LCN6: variants seen among roughly 807,000 people sequenced by gnomAD.
LCN6 encodes epididymal-specific lipocalin-6.
A neutral mutation model predicts 21.4 loss-of-function variants in LCN6; 20 were observed. That is an observed-to-expected ratio of 0.93 (90% confidence interval 0.66 to 1.36). LCN6 has a LOEUF of 1.36. Ranked by LOEUF, LCN6 falls within the 40% of genes most tolerant of loss-of-function variation. LCN6 has a pLI of 0.00. For synonymous variants in LCN6, 96 were observed against 89.0 expected (o/e 1.08, Z -0.44); for missense variants, 217 against 206.6 (o/e 1.05, Z -0.31).
chr9:136,745,517 C>T (rs898789755), intron 3 of LCN6: 3 of 593,946 alleles, frequency 5.1e-6, no homozygotes, highest in Admixed American at 5.9e-5. Flanking sequence ...AGCACTGCCC[C>T]AGCCTGTCCC....
Position 136,748,497 on chromosome 9 carries a change from C to T in LCN6, c.-14G>A, listed in dbSNP as rs1488183331. On this transcript the variant is annotated 5_prime_UTR_variant, in exon 1 of 7. Coordinates refer to ENST00000341206, the MANE Select transcript of LCN6 (RefSeq NM_198946.3). ...CAGGCCGCCCATCCTCCCAGGTCTA[C>T]ACTGCGCCGCAGGCCCAGGATGTGC... 6 of 1,611,156 alleles carry T rather than the reference C, an allele frequency of 3.7e-6. No homozygotes were observed. The highest frequency in any genetic ancestry group is 1.1e-5 in the South Asian group (1 of 90,678).
In LCN6 at chr9:136,747,468, G is replaced by A; in HGVS notation, c.186C>T (p.Thr62=). 2 of 1,613,638 alleles carry A rather than the reference G, an allele frequency of 1.2e-6. No homozygotes were observed. Among genetic ancestry groups the A allele is most frequent in the Non-Finnish European group, 8.5e-7 (1 of 1,179,868 alleles). The change falls in exon 2 of 7, where the codon ACC becomes ACT. Residue 62 remains threonine (T), a synonymous_variant. Transcript: ENST00000341206. ...TCCGCAGGTTGTTTTCTGGAGTGAG[G>A]GTCACCACCACCCCCACGACGTTCT... The part of the protein sequence containing the change: ...DMKNVVGVVV[T]LTPENNLRTL...
rs770143346 is a variant in LCN6, at chr9:136,745,873, C to T, written c.272G>A (p.Arg91Gln). 11 of 1,613,786 alleles carry T rather than the reference C, an allele frequency of 6.8e-6. No homozygotes were observed. Among genetic ancestry groups the T allele is most frequent in the Admixed American group, 6.7e-5 (4 of 60,006 alleles). ...CDQSVMDLIK[R>Q]NSGWVFENPS... ...ATTCTCAAACACCCATCCGGAGTTT[C>T]GCTTTATCAGGTCCATGACACTCTG... Residue 91 changes from arginine to glutamine, a missense_variant, in exon 3 of 7, where the codon CGA becomes CAA. Physicochemically the swap from Arg to Gln is conservative, Grantham distance 43. Transcript: ENST00000341206.
intron 2 of LCN6, 81 bp from the exon 3 acceptor site, chr9:136,745,995 G>T: frequency 1.7e-6 from 2 of 1,199,186 alleles, no homozygotes; most frequent in Non-Finnish European, 2.5e-6. Flanking sequence ...AGGAGTCCAG[G>T]CCAGGCCAGC....
At chr9:136,746,672 G>A (rs756524056) in intron 2 of LCN6, among the ~76,000 whole-genome samples, 2 of 152,158 alleles carry the variant, frequency 1.3e-5, no homozygotes, top group Non-Finnish European at 2.9e-5. Context: ...AGGTGCAGGG[G>A]GAAGGCACGC....
chr9:136,744,827 G>T lies in LCN6; in HGVS notation c.413-86C>A. 1 of 982,554 alleles carries T rather than the reference G, an allele frequency of 1.0e-6. No homozygotes were observed. The highest frequency in any genetic ancestry group is 1.6e-6 in the Non-Finnish European group (1 of 637,590). The allele number at this position is 982,554 out of a possible 1,614,324, so 60.9% of individuals were successfully genotyped here. On this transcript the variant is annotated intron_variant, in intron 4 of 6. Transcript: ENST00000341206. The surrounding 1 kb of genome is among the most constrained non-coding windows in gnomAD (Gnocchi z 4.2). ...AGGGGCTGGGAAGGGTCAGGAAGGA[G>T]GCCACCTGCCCTGGGATGCTGGCCC...
At chr9:136,747,359 A>G in intron 2 of LCN6, 65 bp downstream of exon 2, 1 of 1,575,076 alleles carries the variant, frequency 6.3e-7, no homozygotes, top group Non-Finnish European at 8.6e-7. Context: ...AGATGTGCAA[A>G]GTACATGATG....
intron 2 of LCN6, 91 bp from the exon 3 acceptor site, chr9:136,746,005 C>A: frequency 8.9e-7 from 1 of 1,117,740 alleles, no homozygotes; most frequent in Non-Finnish European, 1.4e-6. Context: ...GCCAGGCCAG[C>A]CAGCAGTGAG....
rs571025444 is a variant in LCN6 at position 136,745,192 on chromosome 9, G to A, written c.390C>T (p.Pro130=). The change falls in exon 4 of 7, where the codon CCC becomes CCT. Residue 130 remains proline, a synonymous_variant. Coordinates refer to ENST00000341206, the MANE Select transcript of LCN6 (RefSeq NM_198946.3). ...IFTQLEFGDE[P]FNTVELYSLT... is the part of the protein sequence containing the mutation. The stretch of plus-strand genomic sequence containing the variant: ...TACTGTACAGCTCCACGGTGTTGAA[G>A]GGCTCGTCCCCGAACTCCAGCTGAG... 5 of 1,612,956 alleles carry A rather than the reference G, an allele frequency of 3.1e-6. No homozygotes were observed. The South Asian group carries it at 4.4e-5, about 14-fold the overall frequency.
intron 2 of LCN6, among the ~76,000 whole-genome samples, chr9:136,746,603 C>G (rs1847041839): frequency 6.6e-6 from 1 of 151,274 alleles, no homozygotes; most frequent in Admixed American, 6.6e-5. Context: ...CCAGCTCGCC[C>G]TGAGGCCAGG....
chr9:136,746,904 C>G (rs1847046160), intron 2 of LCN6: 1 of 153,390 alleles, frequency 6.5e-6, no homozygotes, highest in Non-Finnish European at 1.5e-5. Context: ...GCCCCACAGC[C>G]TGGCCCACCC....
intron 2 of LCN6, 83 bp from the exon 3 acceptor site, chr9:136,745,997 C>G (rs1331163671): frequency 2.7e-5 from 32 of 1,206,230 alleles, no homozygotes; most frequent in Non-Finnish European, 3.9e-5. Flanking sequence ...GAGTCCAGGC[C>G]AGGCCAGCCA....
intron 2 of LCN6, among the ~76,000 whole-genome samples, chr9:136,746,416 C>T (rs1417580630): frequency 7.1e-6 from 1 of 140,188 alleles, no homozygotes; most frequent in Admixed American, 7.2e-5. Flanking sequence ...GCCTGCGACT[C>T]GGGGGAAGGG....
At chr9:136,747,643 C>T in intron 1 of LCN6, 80 bp from the exon 2 acceptor site, 2 of 1,011,474 alleles carry the variant, frequency 2.0e-6, no homozygotes, top group South Asian at 2.9e-5. Flanking sequence ...GCCTCAGCCT[C>T]CAGCCTCCAA....
At position 136,744,578 on chromosome 9, in the gene LCN6, C is replaced by T. The variant is rs553313255; in HGVS notation, c.*22+62G>A. 49 of 1,048,336 alleles carry T rather than the reference C, an allele frequency of 4.7e-5. No homozygotes were observed. The Middle Eastern group carries it at 1.6e-3, about 34-fold the overall frequency. The allele number at this position is 1,048,336 out of a possible 1,614,324, so 64.9% of individuals were successfully genotyped here. On this transcript the variant is annotated intron_variant, in intron 5 of 6. Transcript: ENST00000341206. This position sits in a 1 kb window ranked among gnomAD's most constrained non-coding sequence, Gnocchi z 4.2. Reference sequence around the variant, plus strand: ...CCCCAGGGTCTCTGTCACCCCATCACGCCCTGTGGGCTCCAGAACTTGCCC... The same window carrying T: ...CCCCAGGGTCTCTGTCACCCCATCATGCCCTGTGGGCTCCAGAACTTGCCC...
In LCN6 at chr9:136,747,577, G is replaced by A; in HGVS notation, c.91-14C>T. The A allele has an allele frequency of 1.9e-6, 3 of 1,606,072 alleles. No individual in the cohort carries two copies. Among genetic ancestry groups the A allele is most frequent in the Non-Finnish European group, 8.5e-7 (1 of 1,179,456 alleles). On this transcript the variant is annotated splice_polypyrimidine_tract_variant and intron_variant, in intron 1 of 6. Coordinates refer to ENST00000341206, the MANE Select transcript of LCN6 (RefSeq NM_198946.3). Reference sequence around the variant, plus strand: ...GGGCCCAAGAAGCTGCATTGAGGCGGCTCCCGTTAGGGCCGCCAGCCCTCC... The same window carrying A: ...GGGCCCAAGAAGCTGCATTGAGGCGACTCCCGTTAGGGCCGCCAGCCCTCC...
In LCN6 at chr9:136,744,325, G is replaced by T; in HGVS notation, c.*48+14C>A. 1 of 264,074 alleles carries T rather than the reference G, an allele frequency of 3.8e-6. No individual in the cohort carries two copies. Among genetic ancestry groups the T allele is most frequent in the Non-Finnish European group, 7.4e-6 (1 of 135,576 alleles). 16.4% of individuals were successfully genotyped at this position (264,074 alleles called of 1,614,324 possible). On this transcript the variant is annotated intron_variant, in intron 6 of 6. Transcript: ENST00000341206. This position sits in a 1 kb window ranked among gnomAD's most constrained non-coding sequence, Gnocchi z 4.2. ...CCAAGAGAGCCCAGGGTGAGGCTCA[G>T]GATGGCGGCTTACCAGAAGGATCTT...
At chr9:136,745,484 A>T in intron 3 of LCN6, 1 of 531,528 alleles carries the variant, frequency 1.9e-6, no homozygotes, top group East Asian at 3.3e-5. Context: ...AGGGGCTTTC[A>T]GACACTGACG....
In LCN6 at chr9:136,745,964, C is replaced by G. The variant is rs200813574; in HGVS notation, c.231-50G>C. On this transcript the variant is annotated intron_variant, in intron 2 of 6. Coordinates refer to ENST00000341206, the MANE Select transcript of LCN6 (RefSeq NM_198946.3). The stretch of plus-strand genomic sequence containing the variant: ...CACTCAGGGTCAAGACCCCGGGGCC[C>G]GGTGAGAGGAGACGGAGCTCAGGAG... 1.2e-4 allele frequency: 193 copies of G among 1,546,660 alleles called. 1 individual carries two copies. The African/African-American group carries it at 2.2e-3, about 17-fold the overall frequency.
Sources: allele counts gnomAD v4.1 joint callset (sites outside exome capture counted in the v4.1 genomes callset), GRCh38; gene constraint gnomAD v4.1.1; non-coding constraint Gnocchi (gnomAD v3.1); transcripts MANE v1.5; gene names NCBI Gene and HGNC (gene_info 2026-07-23, HGNC 2026-07-21).